MICAL2: variants seen among roughly 807,000 people sequenced by gnomAD.
The protein encoded by MICAL2 is microtubule associated monooxygenase, calponin and LIM domain containing 2.
MICAL2 carries 77 observed loss-of-function variants against 127.3 expected under a neutral mutation model. The ratio of observed to expected loss-of-function variants is 0.60; its 90% confidence interval spans 0.50 to 0.73. The LOEUF (loss-of-function observed/expected upper bound fraction) is 0.73, where lower values mean the gene tolerates loss of function less well. Ranked by LOEUF, MICAL2 falls within the 30% of genes least tolerant of loss-of-function variation. The pLI is 0.00. For missense variants in MICAL2, 1,351 were observed against 1,434.4 expected, an observed-to-expected ratio of 0.94 and a Z score of 0.94; for synonymous variants, 570 against 551.1, an observed-to-expected ratio of 1.03 and a Z score of -0.48.
intron 2 of MICAL2, among the ~76,000 whole-genome samples, chr11:12,150,543 C>T (rs562522618): frequency 6.6e-6 from 1 of 152,152 alleles, no homozygotes; most frequent in South Asian, 2.1e-4. Context: ...GCTCTGCAGT[C>T]GTCCTGGGCT....
chr11:12,336,569 G>A (rs1938764731), intron 32 of MICAL2, among the ~76,000 whole-genome samples: 1 of 152,252 alleles, frequency 6.6e-6, no homozygotes, highest in Admixed American at 6.5e-5. Context: ...TGTCCATTCA[G>A]TATGATATTG....
In MICAL2 at chr11:12,201,145, C is replaced by T. The variant is rs61875234; in HGVS notation, c.265-3105C>T. 5.5e-3 allele frequency among the ~76,000 whole-genome samples: 843 copies of T among 152,110 alleles called. 5 individuals are homozygous for T. Among genetic ancestry groups the T allele is most frequent in the Non-Finnish European group, 0.01 (682 of 68,002 alleles). On this transcript the variant is annotated intron_variant, in intron 3 of 27. Transcript: ENST00000683283. ...TGGGAAGCGGGGCTTGGTTCTTTCC[C>T]GGTGGCTCTATCCAGAGAGGAAGCA...
intron 23 of MICAL2, 46 bp from the exon 24 acceptor site, chr11:12,256,739 C>A: frequency 6.6e-7 from 1 of 1,514,688 alleles, no homozygotes; most frequent in Non-Finnish European, 8.9e-7. Flanking sequence ...CATTTGAAGG[C>A]TCGGGATAAG....
downstream of MICAL2, chr11:12,294,442 C>A (rs201138932): frequency 3.7e-6 from 6 of 1,614,212 alleles, no homozygotes; most frequent in African/African-American, 8.0e-5. Context: ...CAGCCTTTAG[C>A]CCTCCTGACC....
chr11:12,293,701 G>T (rs567870917), downstream of MICAL2: 2 of 1,613,986 alleles, frequency 1.2e-6, no homozygotes, highest in Non-Finnish European at 8.5e-7. Context: ...AGCCAGAGTG[G>T]GCAGAGTACT....
Position 12,177,823 on chromosome 11 carries a change from A to G in MICAL2, c.264+15404A>G, listed in dbSNP as rs539766360. 5.8e-4 allele frequency among the ~76,000 whole-genome samples: 88 copies of G among 152,292 alleles called. 1 individual carries two copies. The highest frequency in any genetic ancestry group is 2.2e-3 in the Admixed American group (33 of 15,304). ...GAGGCCTGCTTTCTCAGGAAATCTC[A>G]GTTATATTTGCCTGTCACCCTCATG... On this transcript the variant is annotated intron_variant, in intron 3 of 27. Transcript: ENST00000683283.
At chr11:12,142,148 T>G (rs957319003) in intron 2 of MICAL2, among the ~76,000 whole-genome samples, 2 of 152,134 alleles carry the variant, frequency 1.3e-5, no homozygotes, top group Non-Finnish European at 2.9e-5. Context: ...TGCCTTCCTC[T>G]TTTCTCCTCC....
rs567002619 is a variant in MICAL2 at position 12,306,007 on chromosome 11, AT to A, written c.5212+11152del. Among the ~76,000 whole-genome samples the A allele has an allele frequency of 1.5e-3, 227 of 152,296 alleles. 2 individuals are homozygous for A. The highest frequency in any genetic ancestry group is 5.1e-3 in the African/African-American group (210 of 41,574). ...TTAAAAATTATTTACATTTTACAGT[AT>A]TGTTGATAAAGGTATTTTGCATTTC... On this transcript the variant is annotated intron_variant, in intron 29 of 34. Transcript: ENST00000646065.
intron 2 of MICAL2, among the ~76,000 whole-genome samples, chr11:12,284,780 C>T: frequency 6.6e-6 from 1 of 152,170 alleles, no homozygotes. Context: ...TCATGGGGAG[C>T]TGGGAAGACT....
rs767779883 is a variant in MICAL2, at chr11:12,241,041, A to G, written c.2216A>G (p.Glu739Gly). The G allele has an allele frequency of 6.2e-6, 10 of 1,613,418 alleles. No homozygotes were observed. Among genetic ancestry groups the G allele is most frequent in the Non-Finnish European group, 8.5e-6 (10 of 1,179,796 alleles). Residue 739 changes from glutamate (E) to glycine (G), a missense_variant and splice_region_variant, in exon 18 of 28, where the codon GAA becomes GGA. Glu to Gly is a moderately conservative substitution (Grantham distance 98, BLOSUM62 -2). Transcript: ENST00000683283. Reference sequence around the variant, plus strand: ...TTGGACTCGCCTTTCTTCTCCCAGGAACGCCGTGTCTCAGGGATAGGTAAG... The same window carrying G: ...TTGGACTCGCCTTTCTTCTCCCAGGGACGCCGTGTCTCAGGGATAGGTAAG... Reference protein sequence around the residue: ...STRNPSLMKQERRVSGIGKPV... With the variant: ...STRNPSLMKQGRRVSGIGKPV...
intron 3 of MICAL2, among the ~76,000 whole-genome samples, chr11:12,181,974 G>C (rs542858383): frequency 6.6e-6 from 1 of 152,348 alleles, no homozygotes; most frequent in South Asian, 2.1e-4. Flanking sequence ...AGGAGTGCCT[G>C]TGACTTCATC....
chr11:12,361,192 A>G (rs1235657239), downstream of MICAL2, among the ~76,000 whole-genome samples: 1 of 152,190 alleles, frequency 6.6e-6, no homozygotes, highest in East Asian at 1.9e-4. Context: ...GTTAAATCAA[A>G]GTGTTTATGA....
At chr11:12,294,689 AT>A, downstream of MICAL2, 1 of 1,614,206 alleles carries the variant, frequency 6.2e-7, no homozygotes. Flanking sequence ...AAGAAAGGAC[AT>A]CAGGGACCTC....
Position 12,308,852 on chromosome 11 carries a change from G to A in MICAL2, c.5213-10844G>A, listed in dbSNP as rs566595416. 2.0e-5 allele frequency among the ~76,000 whole-genome samples: 3 copies of A among 152,228 alleles called. No homozygotes were observed. In the South Asian group the frequency reaches 6.2e-4, roughly 32 times the overall value. On this transcript the variant is annotated intron_variant, in intron 29 of 34. Coordinates refer to the MICAL2 transcript ENST00000646065. ...TATTTCACCATTGAGTATAATGTTT[G>A]CTGCAGATTTCTTTTGTCAGTCCTT...
chr11:12,207,428 A>C (rs79255291), intron 4 of MICAL2, among the ~76,000 whole-genome samples: 5 of 152,368 alleles, frequency 3.3e-5, no homozygotes, highest in Non-Finnish European at 5.9e-5. Flanking sequence ...TTTGTGCTGA[A>C]TGGCAGGAGA....
intron 11 of MICAL2, among the ~76,000 whole-genome samples, chr11:12,223,179 A>G (rs1278283185): frequency 1.3e-5 from 2 of 152,164 alleles, no homozygotes; most frequent in South Asian, 2.1e-4. Flanking sequence ...CTAATTACAT[A>G]CACACAAATT....
At chr11:12,211,494 G>T (rs1017695600) in intron 6 of MICAL2, among the ~76,000 whole-genome samples, 1 of 152,230 alleles carries the variant, frequency 6.6e-6, no homozygotes, top group Admixed American at 6.5e-5. Context: ...GATGTGTGGG[G>T]CATTCCCAAA....
chr11:12,330,898 A>AGTGTGT (rs757142831), intron 32 of MICAL2, among the ~76,000 whole-genome samples: 8,617 of 120,240 alleles, frequency 0.072, 344 homozygotes, highest in Non-Finnish European at 0.097. Flanking sequence ...AGAGAGAGAG[A>AGTGTGT]GAGTGTGTGT....
At position 12,119,061 on chromosome 11, in the gene MICAL2, G is replaced by A. The variant is rs59982436; in HGVS notation, c.-149+8335G>A. Among the ~76,000 whole-genome samples the A allele has an allele frequency of 6.6e-5, 10 of 152,022 alleles. No individual in the cohort carries two copies. The South Asian group carries it at 2.1e-3, about 32-fold the overall frequency. ...CCACTACTTCCTCCTCCTGTAGGGAGCCAACCTCCATCCTTCCCAGCCACT... is the reference window on the plus strand; with the variant it reads ...CCACTACTTCCTCCTCCTGTAGGGAACCAACCTCCATCCTTCCCAGCCACT... On this transcript the variant is annotated intron_variant, in intron 1 of 27. Transcript: ENST00000683283.
Sources: allele counts gnomAD v4.1 joint callset (sites outside exome capture counted in the v4.1 genomes callset), GRCh38; gene constraint gnomAD v4.1.1; transcripts MANE v1.5; gene names NCBI Gene and HGNC (gene_info 2026-07-23, HGNC 2026-07-21).